CCSER1: variants seen among roughly 807,000 people sequenced by gnomAD.
CCSER1 encodes the protein serine-rich coiled-coil domain-containing protein 1.
A neutral mutation model predicts 82.0 loss-of-function variants in CCSER1; 41 were observed. That is an observed-to-expected ratio of 0.50 (90% confidence interval 0.39 to 0.65). The LOEUF is 0.65. CCSER1 is among the 30% of genes least tolerant of loss of function. CCSER1 has a pLI of 0.00. For synonymous variants in CCSER1, 414 were observed against 383.9 expected (o/e 1.08, Z -0.92); for missense variants, 1,119 against 1,064.2 (o/e 1.05, Z -0.72).
chr4:90,773,720 A>G (rs1752536374), intron 7 of CCSER1, among the ~76,000 whole-genome samples: 1 of 152,200 alleles, frequency 6.6e-6, no homozygotes, highest in Admixed American at 6.5e-5. Flanking sequence ...TATTTCTAGT[A>G]AAAACAAAAT....
intron 5 of CCSER1, among the ~76,000 whole-genome samples, chr4:90,512,864 C>T (rs1771738695): frequency 6.6e-6 from 1 of 152,080 alleles, no homozygotes; most frequent in African/African-American, 2.4e-5. Flanking sequence ...GTAAGTAAAA[C>T]ATGTCTTCTT....
At chr4:91,461,959 A>G (rs943537028) in intron 10 of CCSER1, among the ~76,000 whole-genome samples, 18 of 152,176 alleles carry the variant, frequency 1.2e-4, no homozygotes, top group African/African-American at 4.3e-4. Flanking sequence ...GGGCAAATTA[A>G]GAGCTCTTTT....
intron 10 of CCSER1, among the ~76,000 whole-genome samples, chr4:91,342,311 A>G (rs902186510): frequency 2.6e-5 from 4 of 152,202 alleles, no homozygotes; most frequent in African/African-American, 4.8e-5. Flanking sequence ...AAAGCTAGAC[A>G]TATTAGCCAT....
intron 6 of CCSER1, among the ~76,000 whole-genome samples, chr4:90,707,632 A>C (rs767811818): frequency 6.6e-6 from 1 of 151,952 alleles, no homozygotes; most frequent in Non-Finnish European, 1.5e-5. Flanking sequence ...AACTGTTATA[A>C]TCACTTTGGA....
chr4:91,006,115 C>T (rs1181124001), intron 9 of CCSER1, among the ~76,000 whole-genome samples: 1 of 152,060 alleles, frequency 6.6e-6, no homozygotes, highest in Non-Finnish European at 1.5e-5. Flanking sequence ...TGAAGAACGT[C>T]ATTAGTATTC....
chr4:90,390,164 A>G (rs1306002619), intron 3 of CCSER1, among the ~76,000 whole-genome samples: 1 of 152,240 alleles, frequency 6.6e-6, no homozygotes, highest in African/African-American at 2.4e-5. Context: ...GCAGAGGTAG[A>G]GATAATGTAG....
chr4:90,843,696 A>G (rs148829645), intron 8 of CCSER1, among the ~76,000 whole-genome samples: 11 of 152,274 alleles, frequency 7.2e-5, no homozygotes, highest in Admixed American at 3.9e-4. Context: ...TTGTTATTGT[A>G]TATCTGGTCA....
chr4:91,313,492 T>C (rs539560828), intron 10 of CCSER1, among the ~76,000 whole-genome samples: 12 of 151,946 alleles, frequency 7.9e-5, no homozygotes, highest in Non-Finnish European at 1.5e-4. Flanking sequence ...TTGTCTGTTA[T>C]AATCATGGCA....
chr4:90,654,853 A>T (rs1466269941), intron 6 of CCSER1, among the ~76,000 whole-genome samples: 2 of 152,080 alleles, frequency 1.3e-5, no homozygotes, highest in African/African-American at 2.4e-5. Flanking sequence ...TATATAATAA[A>T]TTTTTATTTT....
intron 5 of CCSER1, among the ~76,000 whole-genome samples, chr4:90,470,512 T>C (rs1308044700): frequency 1.3e-5 from 2 of 152,292 alleles, no homozygotes; most frequent in Admixed American, 1.3e-4. Context: ...TGGTGGTTAT[T>C]GGCTCATGTA....
At chr4:90,524,955 G>A (rs1438930454) in intron 5 of CCSER1, among the ~76,000 whole-genome samples, 2 of 151,918 alleles carry the variant, frequency 1.3e-5, no homozygotes, top group Non-Finnish European at 2.9e-5. Flanking sequence ...AAAGATATAT[G>A]AAACTTAATC....
intron 10 of CCSER1, among the ~76,000 whole-genome samples, chr4:91,224,130 T>G (rs1055941325): frequency 6.6e-6 from 1 of 151,528 alleles, no homozygotes; most frequent in Non-Finnish European, 1.5e-5. Flanking sequence ...CCGCGCTTAA[T>G]GTGAGAGGAA....
At chr4:90,973,761 AT>A (rs751365613) in intron 9 of CCSER1, among the ~76,000 whole-genome samples, 3 of 151,670 alleles carry the variant, frequency 2.0e-5, no homozygotes, top group Admixed American at 6.6e-5. Flanking sequence ...AACAACGTAA[AT>A]ATCTGCCCGT....
At chr4:90,853,271 C>G (rs979141055) in intron 8 of CCSER1, among the ~76,000 whole-genome samples, 1 of 152,002 alleles carries the variant, frequency 6.6e-6, no homozygotes, top group African/African-American at 2.4e-5. Context: ...GCACAATACC[C>G]TTTAGAGATG....
chr4:90,271,784 A>C (rs1726324547), intron 1 of CCSER1, among the ~76,000 whole-genome samples: 1 of 135,742 alleles, frequency 7.4e-6, no homozygotes, highest in Non-Finnish European at 1.6e-5. Context: ...GTATTAGTCC[A>C]TTTTCACACT....
chr4:91,119,937 G>A (rs1278816869), intron 10 of CCSER1, among the ~76,000 whole-genome samples: 2 of 151,666 alleles, frequency 1.3e-5, no homozygotes, highest in Non-Finnish European at 2.9e-5. Context: ...AAAAGTGGAG[G>A]GTTTACAACC....
chr4:90,344,515 A>T (rs1202827849), intron 3 of CCSER1, among the ~76,000 whole-genome samples: 1 of 152,130 alleles, frequency 6.6e-6, no homozygotes, highest in African/African-American at 2.4e-5. Context: ...TTACATACCA[A>T]TAAACCCAAT....
intron 1 of CCSER1, among the ~76,000 whole-genome samples, chr4:90,204,866 C>G (rs1200017285): frequency 2.6e-5 from 4 of 152,130 alleles, no homozygotes; most frequent in Non-Finnish European, 1.5e-5. Flanking sequence ...TCTCTTATTT[C>G]TTTGAGCAGA....
At chr4:91,522,695 A>T (rs1760549353) in intron 10 of CCSER1, among the ~76,000 whole-genome samples, 1 of 152,120 alleles carries the variant, frequency 6.6e-6, no homozygotes, top group Non-Finnish European at 1.5e-5. Flanking sequence ...GGTGTATAGG[A>T]ATGCTTGTCA....
Sources: allele counts gnomAD v4.1 joint callset (sites outside exome capture counted in the v4.1 genomes callset), GRCh38; gene constraint gnomAD v4.1.1; transcripts MANE v1.5; gene names NCBI Gene and HGNC (gene_info 2026-07-23, HGNC 2026-07-21).